The following WDR20 variants were observed in gnomAD, a reference collection of about 807,000 sequenced individuals.
WDR20 encodes the protein WD repeat-containing protein 20.
Under a neutral mutation model 38.7 loss-of-function variants are expected in WDR20, and 3 were observed. The ratio of observed to expected loss-of-function variants is 0.08; its 90% CI spans 0.04 to 0.20. The LOEUF (loss-of-function observed/expected upper bound fraction) is 0.20, where lower values mean the gene tolerates loss of function less well. WDR20 is among the 10% of genes least tolerant of loss of function. WDR20 has a pLI of 1.00. For synonymous variants in WDR20, 298 were observed against 285.6 expected (o/e 1.04, Z -0.44); for missense variants, 559 against 727.7 (o/e 0.77, Z 2.67).
rs570963856 is a variant in WDR20, at chr14:102,191,170, A to G, written c.250-3768A>G. ...GGGAGGGGTGGGCCTTTGATCTCCT[A>G]TTAGTGAGAGGAAACTTGCACTTTG... On this transcript the variant is annotated intron_variant, in intron 1 of 2. Transcript: ENST00000342702. 49 of 152,284 alleles carry G rather than the reference A, an allele frequency of 3.2e-4. 1 individual carries two copies. The highest frequency in any genetic ancestry group is 9.9e-4 in the African/African-American group (41 of 41,528). The allele number at this position is 152,284 out of a possible 1,614,324, so 9.4% of individuals were successfully genotyped here. A position where few individuals can be genotyped will look rare whatever the true frequency, so the allele number is the denominator to read the frequency against.
chr14:102,171,430 T>C (rs2060810110), intron 1 of WDR20: 1 of 151,590 alleles, frequency 6.6e-6, no homozygotes, highest in South Asian at 2.1e-4. Flanking sequence ...TGTTGGCCTC[T>C]TCTTGTACCT....
chr14:102,145,989 GT>G lies in WDR20; in HGVS notation c.249+5831del, dbSNP rs560019415. On this transcript the variant is annotated intron_variant, in intron 1 of 2. Coordinates refer to ENST00000342702, the MANE Select transcript of WDR20 (RefSeq NM_144574.4). ...AGCTTATATGATTCTGTACTCAGTT[GT>G]TTTTTTTTTTTTTAAATGGAAATGG... is the stretch of plus-strand genomic sequence containing the variant. 3.2e-3 allele frequency among the ~76,000 whole-genome samples: 434 copies of G among 135,326 alleles called. 3 individuals carry two copies. The highest frequency in any genetic ancestry group is 6.1e-3 in the African/African-American group (225 of 36,952). The allele number at this position is 135,326 out of a possible 152,430, so 88.8% of individuals were successfully genotyped here.
At chr14:102,160,540 G>T (rs141306721) in intron 1 of WDR20, among the ~76,000 whole-genome samples, 122 of 152,174 alleles carry the variant, frequency 8.0e-4, no homozygotes, top group Non-Finnish European at 1.5e-3. Flanking sequence ...TTCCATTTTA[G>T]TAAAAGAGAG....
chr14:102,147,175 A>T (rs2152696691), intron 1 of WDR20, among the ~76,000 whole-genome samples: 1 of 152,284 alleles, frequency 6.6e-6, no homozygotes, highest in South Asian at 2.1e-4. Context: ...CGGGTGGATC[A>T]TCTGGGGTTA....
intron 1 of WDR20, among the ~76,000 whole-genome samples, chr14:102,182,627 A>G (rs1047086247): frequency 6.6e-6 from 1 of 152,124 alleles, no homozygotes; most frequent in African/African-American, 2.4e-5. Context: ...ATACCAAGCA[A>G]TGACATGCTT....
chr14:102,207,411 G>A lies in WDR20; in HGVS notation c.433-1192G>A, dbSNP rs1202437201. 6.6e-6 allele frequency among the ~76,000 whole-genome samples: 1 copy of A among 152,248 alleles called. No homozygotes were observed. Among genetic ancestry groups the A allele is most frequent in the East Asian group, 1.9e-4 (1 of 5,202 alleles). ...CACATGGCGGGCACATGGCCTCAAA[G>A]CCACCCTGGCAGAAGTCGGCATGTT... is the stretch of plus-strand genomic sequence containing the variant. On this transcript the variant is annotated intron_variant, in intron 2 of 2. Transcript: ENST00000342702. This position sits in a 1 kb window ranked among gnomAD's most constrained non-coding sequence, Gnocchi z 5.0.
chr14:102,182,582 C>G (rs1184805579), intron 1 of WDR20, among the ~76,000 whole-genome samples: 1 of 152,094 alleles, frequency 6.6e-6, no homozygotes, highest in East Asian at 1.9e-4. Context: ...GTGAATTTTA[C>G]TGTTCATCAA....
chr14:102,184,210 C>T (rs1204036012), intron 1 of WDR20, among the ~76,000 whole-genome samples: 3 of 152,138 alleles, frequency 2.0e-5, no homozygotes, highest in Non-Finnish European at 4.4e-5. Context: ...ATGAAGAAAT[C>T]AGTATTTCAT....
chr14:102,200,461 T>TG (rs201901921), intron 2 of WDR20, among the ~76,000 whole-genome samples: 2,096 of 100,670 alleles, frequency 0.021, 18 homozygotes, highest in Middle Eastern at 0.037. Flanking sequence ...TTTTAAATTT[T>TG]TTTTTTTGTG....
downstream of WDR20, among the ~76,000 whole-genome samples, chr14:102,219,235 C>T (rs570189806): frequency 6.6e-6 from 1 of 152,340 alleles, no homozygotes; most frequent in East Asian, 1.9e-4. Flanking sequence ...TCATTTGATT[C>T]TCTTTTGAAT....
intron 1 of WDR20, among the ~76,000 whole-genome samples, chr14:102,163,936 C>T (rs2059265036): frequency 6.6e-6 from 1 of 152,136 alleles, no homozygotes; most frequent in South Asian, 2.1e-4. Flanking sequence ...CTTTTTCCTC[C>T]CTTTAAATTA....
chr14:102,190,603 AGT>A (rs2066106569), intron 1 of WDR20, among the ~76,000 whole-genome samples: 1 of 152,004 alleles, frequency 6.6e-6, no homozygotes, highest in Admixed American at 6.6e-5. Context: ...CAAAAAAAAA[AGT>A]GTTGACTAGA....
Position 102,183,035 on chromosome 14 carries a change from G to A in WDR20, c.250-11903G>A, listed in dbSNP as rs571741047. Among the ~76,000 whole-genome samples, 95 of 152,058 alleles carry A rather than the reference G, an allele frequency of 6.2e-4. 1 individual carries two copies. Among genetic ancestry groups the A allele is most frequent in the African/African-American group, 2.2e-3 (91 of 41,432 alleles). On this transcript the variant is annotated intron_variant, in intron 1 of 2. Transcript: ENST00000342702. ...GCCGAGATTGCGCTACTGCACTCCA[G>A]CCTGGGCAACAGAGCTCTCCGTCTC...
At position 102,209,618 on chromosome 14, in the gene WDR20, G is replaced by A. The variant is rs200502921; in HGVS notation, c.1448G>A (p.Ser483Asn). ...HHEKDHKRNH[S>N]MGHISSKSSD... is the part of the protein sequence containing the mutation. The stretch of plus-strand genomic sequence containing the variant: ...GAGAAAGATCACAAGCGAAATCATA[G>A]CATGGGACACATTTCTAGCAAGAGC... Residue 483 changes from serine (S) to asparagine (N), a missense_variant, in exon 3 of 3, where the codon AGC (serine) becomes AAC (asparagine). Physicochemically the swap from Ser to Asn is conservative, Grantham distance 46. Coordinates refer to ENST00000342702, the MANE Select transcript of WDR20 (RefSeq NM_144574.4). This position sits in a 1 kb window ranked among gnomAD's most constrained non-coding sequence, Gnocchi z 6.0. 4 of 1,614,066 alleles carry A rather than the reference G, an allele frequency of 2.5e-6. No individual in the cohort carries two copies. The highest frequency in any genetic ancestry group is 1.6e-4 in the Middle Eastern group (1 of 6,084).
At chr14:102,214,555 A>C, downstream of WDR20, 1 of 985,442 alleles carries the variant, frequency 1.0e-6, no homozygotes, top group South Asian at 4.7e-5. Flanking sequence ...ATAAATTGCT[A>C]TCCTTTCATT....
At position 102,188,872 on chromosome 14, in the gene WDR20, C is replaced by CAA. The variant is rs34508888; in HGVS notation, c.250-6044_250-6043dup. On this transcript the variant is annotated intron_variant, in intron 1 of 2. Transcript: ENST00000342702. ...TGGGCAGCAGAGCGAGACCCTGTTT[C>CAA]AAAAAAAAAAAAAAAAAAAAAAATT... Among the ~76,000 whole-genome samples, 351 of 97,234 alleles carry CAA rather than the reference C, an allele frequency of 3.6e-3. 2 individuals are homozygous for CAA. The highest frequency in any genetic ancestry group is 5.8e-3 in the Admixed American group (45 of 7,784). 63.8% of individuals were successfully genotyped at this position (97,234 alleles called of 152,430 possible).
rs930001309 is a variant in WDR20, at chr14:102,175,136, C to T, written c.250-19802C>T. Among the ~76,000 whole-genome samples the T allele has an allele frequency of 5.3e-5, 8 of 152,222 alleles. No individual in the cohort carries two copies. In the East Asian group the frequency reaches 1.5e-3, roughly 29 times the overall value. On this transcript the variant is annotated intron_variant, in intron 1 of 2. Transcript: ENST00000342702. ...CATGAAATCTTTGCCTAAGCCAATGCCTAGAAGGATTTTTCCGGTATTATC... is the reference window on the plus strand; with the variant it reads ...CATGAAATCTTTGCCTAAGCCAATGTCTAGAAGGATTTTTCCGGTATTATC...
intron 1 of WDR20, among the ~76,000 whole-genome samples, chr14:102,179,606 A>T (rs1282716308): frequency 6.6e-6 from 1 of 152,106 alleles, no homozygotes; most frequent in East Asian, 1.9e-4. Context: ...TAAAAAAATT[A>T]TGCTACATCA....
At chr14:102,159,450 C>T (rs964654254) in intron 1 of WDR20, among the ~76,000 whole-genome samples, 4 of 152,200 alleles carry the variant, frequency 2.6e-5, no homozygotes, top group African/African-American at 7.2e-5. Context: ...AATCTGCATT[C>T]TAAGACAATC....
Sources: gnomAD v4.1 joint callset for allele counts (sites outside exome capture counted in the v4.1 genomes callset) on GRCh38, gnomAD v4.1.1 for gene constraint, Gnocchi (gnomAD v3.1) non-coding constraint, MANE v1.5 for transcripts, NCBI Gene and HGNC (gene_info 2026-07-23, HGNC 2026-07-21) for gene names.